Variants in NAALADL2 observed in about 807,000 individuals in gnomAD.
NAALADL2 encodes inactive N-acetylated-alpha-linked acidic dipeptidase-like protein 2.
A neutral mutation model predicts 87.2 loss-of-function variants in NAALADL2; 76 were observed. The ratio of observed to expected loss-of-function variants is 0.87; its 90% confidence interval spans 0.72 to 1.05. The LOEUF (loss-of-function observed/expected upper bound fraction) is 1.05, where lower values mean the gene tolerates loss of function less well. Among genes scored for constraint, NAALADL2 ranks in the 50% least tolerant of loss-of-function variants. NAALADL2 has a pLI of 0.00. For synonymous variants in NAALADL2, 354 were observed against 331.0 expected, an observed-to-expected ratio of 1.07 and a Z score of -0.75; for missense variants, 1,089 against 945.8, an observed-to-expected ratio of 1.15 and a Z score of -1.99.
intron 10 of NAALADL2, among the ~76,000 whole-genome samples, chr3:175,591,297 A>G (rs1163899395): frequency 6.6e-6 from 1 of 152,232 alleles, no homozygotes; most frequent in Admixed American, 6.5e-5. Flanking sequence ...ATTTAAACAG[A>G]AGATTTAACT....
intron 2 of NAALADL2, among the ~76,000 whole-genome samples, chr3:175,228,513 G>GA (rs1233903663): frequency 1.6e-4 from 22 of 141,720 alleles, no homozygotes; most frequent in Admixed American, 2.8e-4. Context: ...AATTCCCAAG[G>GA]AAAAAAAAAA....
At position 175,045,129 on chromosome 3, in the gene NAALADL2, G is replaced by T. The variant is rs1409806819; in HGVS notation, c.44-51661G>T. ...ATAGTTGTTGGATTATTGGTATTTT[G>T]TGGAAAATCTGTTTTTTCATAAAGG... On this transcript the variant is annotated intron_variant, in intron 1 of 13. Transcript: ENST00000454872. 2.0e-5 allele frequency among the ~76,000 whole-genome samples: 3 copies of T among 151,824 alleles called. No homozygotes were observed. The South Asian group carries it at 6.2e-4, about 31-fold the overall frequency.
At chr3:174,637,914 A>AT (rs1480042532) in intron 2 of NAALADL2, among the ~76,000 whole-genome samples, 1 of 152,056 alleles carries the variant, frequency 6.6e-6, no homozygotes, top group African/African-American at 2.4e-5. Flanking sequence ...TTGGTGATTT[A>AT]TGAGTAGGGT....
At chr3:175,277,711 A>G (rs2110061222) in intron 4 of NAALADL2, among the ~76,000 whole-genome samples, 1 of 152,324 alleles carries the variant, frequency 6.6e-6, no homozygotes. Context: ...AGAATTATTT[A>G]TGAATCCTTA....
At chr3:175,486,739 C>A (rs547478294) in intron 9 of NAALADL2, among the ~76,000 whole-genome samples, 132 of 151,166 alleles carry the variant, frequency 8.7e-4, no homozygotes, top group Non-Finnish European at 1.5e-3. Flanking sequence ...GTTTTTTTTT[C>A]TTTTCAGTCT....
At chr3:175,295,069 A>G (rs961880602) in intron 4 of NAALADL2, among the ~76,000 whole-genome samples, 4 of 152,192 alleles carry the variant, frequency 2.6e-5, no homozygotes, top group Non-Finnish European at 4.4e-5. Flanking sequence ...GCATGTGTCA[A>G]TACATGCAGT....
At chr3:174,616,752 A>G (rs180754506) in intron 2 of NAALADL2, among the ~76,000 whole-genome samples, 19 of 152,006 alleles carry the variant, frequency 1.2e-4, no homozygotes, top group Non-Finnish European at 2.4e-4. Context: ...AGCTGCGTCT[A>G]TGATAGAAAA....
Position 174,914,116 on chromosome 3 carries a change from G to A in NAALADL2, c.43+54666G>A, listed in dbSNP as rs183729429. Among the ~76,000 whole-genome samples, 525 of 150,958 alleles carry A rather than the reference G, an allele frequency of 3.5e-3. 3 individuals are homozygous for A. The highest frequency in any genetic ancestry group is 0.012 in the African/African-American group (507 of 41,070). ...CTCACTCTGTTACCCAGGCTGGAGT[G>A]TGGTGGTGTGATCTCGGCTCACTGC... is the stretch of plus-strand genomic sequence containing the variant. On this transcript the variant is annotated intron_variant, in intron 1 of 13. Transcript: ENST00000454872.
chr3:175,722,717 C>T (rs1428866091), intron 11 of NAALADL2, among the ~76,000 whole-genome samples: 1 of 152,086 alleles, frequency 6.6e-6, no homozygotes, highest in Non-Finnish European at 1.5e-5. Flanking sequence ...ATAATATAAT[C>T]TGGAAGATTT....
At chr3:174,928,368 T>C (rs991622445) in intron 1 of NAALADL2, among the ~76,000 whole-genome samples, 5 of 152,080 alleles carry the variant, frequency 3.3e-5, no homozygotes, top group Non-Finnish European at 7.4e-5. Context: ...TCCTCTCGAG[T>C]ACCTGGGATT....
intron 3 of NAALADL2, among the ~76,000 whole-genome samples, chr3:174,793,252 T>C (rs1717678316): frequency 6.6e-6 from 1 of 152,180 alleles, no homozygotes; most frequent in African/African-American, 2.4e-5. Flanking sequence ...TGTTAAATAC[T>C]CTCTATTGGG....
intron 13 of NAALADL2, among the ~76,000 whole-genome samples, chr3:175,791,677 C>T (rs1270889055): frequency 6.6e-6 from 1 of 152,052 alleles, no homozygotes; most frequent in Non-Finnish European, 1.5e-5. Flanking sequence ...TATCCTTATA[C>T]CTAGTTTCCC....
At chr3:174,528,129 C>G (rs1720930315) in intron 1 of NAALADL2, among the ~76,000 whole-genome samples, 1 of 152,136 alleles carries the variant, frequency 6.6e-6, no homozygotes, top group Non-Finnish European at 1.5e-5. Flanking sequence ...TCTAAATTCA[C>G]ACATAGGAGC....
chr3:175,530,365 C>G (rs1027659224), intron 9 of NAALADL2, among the ~76,000 whole-genome samples: 2 of 152,220 alleles, frequency 1.3e-5, no homozygotes, highest in Admixed American at 1.3e-4. Context: ...CACTGACCAT[C>G]CAGCCAAACC....
In NAALADL2 at chr3:175,746,112, G is replaced by A. The variant is rs185543388; in HGVS notation, c.1990+8713G>A. ...TAAATGTAAAATAGTTGCTGGCAGCGTTTCCTCCTGTTCTTTGAATAACTG... is the reference window on the plus strand; with the variant it reads ...TAAATGTAAAATAGTTGCTGGCAGCATTTCCTCCTGTTCTTTGAATAACTG... On this transcript the variant is annotated intron_variant, in intron 12 of 13. Transcript: ENST00000454872. Among the ~76,000 whole-genome samples, 159 of 151,526 alleles carry A rather than the reference G, an allele frequency of 1.0e-3. 1 individual carries two copies. Among genetic ancestry groups the A allele is most frequent in the Non-Finnish European group, 3.2e-4 (22 of 67,884 alleles).
At chr3:174,829,156 A>G (rs112671194) in intron 3 of NAALADL2, among the ~76,000 whole-genome samples, 2,940 of 151,670 alleles carry the variant, frequency 0.019, 101 homozygotes, top group African/African-American at 0.068. Flanking sequence ...GGGTACATGT[A>G]CACATTGTGC....
chr3:175,109,324 G>T (rs1723786823), intron 2 of NAALADL2, among the ~76,000 whole-genome samples: 1 of 151,802 alleles, frequency 6.6e-6, no homozygotes, highest in Non-Finnish European at 1.5e-5. Flanking sequence ...CTCTTTTAAT[G>T]CAAGTGTATT....
chr3:174,949,012 A>G (rs977315070), intron 1 of NAALADL2, among the ~76,000 whole-genome samples: 1 of 152,142 alleles, frequency 6.6e-6, no homozygotes, highest in Non-Finnish European at 1.5e-5. Context: ...CTAGCCTCAC[A>G]TGGCAGAAGA....
At chr3:174,781,660 A>G (rs893487018) in intron 3 of NAALADL2, among the ~76,000 whole-genome samples, 2 of 152,040 alleles carry the variant, frequency 1.3e-5, no homozygotes, top group African/African-American at 2.4e-5. Flanking sequence ...AAAGATGGAT[A>G]GGACTTAACA....
Sources: gnomAD v4.1 joint callset for allele counts (sites outside exome capture counted in the v4.1 genomes callset) on GRCh38, gnomAD v4.1.1 for gene constraint, MANE v1.5 for transcripts, NCBI Gene and HGNC (gene_info 2026-07-23, HGNC 2026-07-21) for gene names.